SCRN1: variants seen among roughly 807,000 people sequenced by gnomAD.
The protein encoded by SCRN1 is secernin 1.
SCRN1 carries 19 observed loss-of-function variants against 43.3 expected under a neutral mutation model. The ratio of observed to expected loss-of-function variants is 0.44; its 90% CI spans 0.31 to 0.64. The LOEUF (loss-of-function observed/expected upper bound fraction) is 0.64. Among genes scored for constraint, SCRN1 ranks in the 30% least tolerant of loss-of-function variants. The pLI is 0.09. For missense variants in SCRN1, 447 were observed against 524.1 expected (o/e 0.85, Z 1.44); for synonymous variants, 183 against 188.9 (o/e 0.97, Z 0.26).
intron 6 of SCRN1, among the ~76,000 whole-genome samples, chr7:29,929,832 G>T (rs770413708): frequency 6.6e-6 from 1 of 152,216 alleles, no homozygotes; most frequent in South Asian, 2.1e-4. Context: ...CACAGTCAGG[G>T]TCTTCTGTAT....
At chr7:29,961,816 G>T (rs1383907912) in intron 2 of SCRN1, among the ~76,000 whole-genome samples, 1 of 150,974 alleles carries the variant, frequency 6.6e-6, no homozygotes, top group Non-Finnish European at 1.5e-5. Flanking sequence ...GCGGCTGGCC[G>T]GGCGGGGGGC....
chr7:29,933,230 G>A (rs1196484667), intron 6 of SCRN1, among the ~76,000 whole-genome samples: 5 of 152,164 alleles, frequency 3.3e-5, no homozygotes, highest in Admixed American at 3.3e-4. Context: ...GGACCTCTCA[G>A]TGGTTTACTG....
chr7:29,934,635 G>A (rs779844259), intron 6 of SCRN1, among the ~76,000 whole-genome samples: 14 of 152,216 alleles, frequency 9.2e-5, no homozygotes, highest in Admixed American at 3.3e-4. Context: ...AAGGGAAGAC[G>A]GAGCCCCAAA....
At chr7:29,967,382 T>C (rs987537870) in intron 2 of SCRN1, among the ~76,000 whole-genome samples, 2 of 151,142 alleles carry the variant, frequency 1.3e-5, no homozygotes, top group African/African-American at 4.9e-5. Flanking sequence ...AAATAGAAAT[T>C]CATGTATACT....
chr7:29,979,294 CA>C (rs1788927712), intron 1 of SCRN1, among the ~76,000 whole-genome samples: 1 of 152,046 alleles, frequency 6.6e-6, no homozygotes, highest in Non-Finnish European at 1.5e-5. Context: ...ACCCAGGAGG[CA>C]GGGGTTGCAG....
intron 5 of SCRN1, among the ~76,000 whole-genome samples, chr7:29,937,169 C>A (rs1562804816): frequency 6.6e-6 from 1 of 152,246 alleles, no homozygotes; most frequent in Non-Finnish European, 1.5e-5. Flanking sequence ...ACATCTGGGA[C>A]TGTAACTACC....
intron 6 of SCRN1, among the ~76,000 whole-genome samples, chr7:29,932,606 C>A (rs1787193813): frequency 1.6e-5 from 2 of 126,772 alleles, no homozygotes; most frequent in South Asian, 5.6e-4. Flanking sequence ...GAGCCGAGAT[C>A]ACGCCACTGC....
At chr7:29,982,465 G>A (rs1789018308) in intron 1 of SCRN1, among the ~76,000 whole-genome samples, 1 of 151,930 alleles carries the variant, frequency 6.6e-6, no homozygotes, top group African/African-American at 2.4e-5. Context: ...GGATCAGTTG[G>A]GTCCAGGAGT....
At chr7:29,931,352 T>C (rs1787147277) in intron 6 of SCRN1, among the ~76,000 whole-genome samples, 1 of 152,228 alleles carries the variant, frequency 6.6e-6, no homozygotes, top group African/African-American at 2.4e-5. Flanking sequence ...TACCAGATGC[T>C]GTTCTAGGTA....
chr7:29,975,705 A>G (rs986266133), intron 1 of SCRN1, among the ~76,000 whole-genome samples: 1 of 152,248 alleles, frequency 6.6e-6, no homozygotes, highest in African/African-American at 2.4e-5. Flanking sequence ...GCAACAGGCT[A>G]AAAGGGCAGG....
At chr7:29,925,190 GGCT>G (rs1158462500) in intron 7 of SCRN1, among the ~76,000 whole-genome samples, 15 of 152,148 alleles carry the variant, frequency 9.9e-5, no homozygotes, top group African/African-American at 3.6e-4. Flanking sequence ...AGCCTTTTTA[GGCT>G]GGCAGGGAGG....
chr7:29,977,931 T>C (rs997670598), intron 1 of SCRN1, among the ~76,000 whole-genome samples: 1 of 152,230 alleles, frequency 6.6e-6, no homozygotes, highest in South Asian at 2.1e-4. Context: ...AAGAGAAGGA[T>C]ACGTGATGAA....
At chr7:29,990,057 G>A (rs1789319310), upstream of SCRN1, 7 of 1,503,120 alleles carry the variant, frequency 4.7e-6, no homozygotes, top group South Asian at 1.3e-5. Context: ...GCTCTCAAAA[G>A]GGAAAACCCG....
chr7:29,924,236 C>T (rs1048408291), intron 7 of SCRN1, 121 bp from the exon 8 acceptor site: 5 of 902,438 alleles, frequency 5.5e-6, no homozygotes, highest in South Asian at 1.7e-5. Flanking sequence ...CCCCACACTC[C>T]GTTTCACACA....
At chr7:29,938,970 A>G (rs956386255) in intron 5 of SCRN1, among the ~76,000 whole-genome samples, 23 of 151,854 alleles carry the variant, frequency 1.5e-4, no homozygotes, top group African/African-American at 5.6e-4. Flanking sequence ...TATCCTCTGT[A>G]TTTTCTGTAA....
At chr7:29,969,178 G>A (rs1788591321) in intron 1 of SCRN1, 110 bp from the exon 2 acceptor site, 1 of 1,293,338 alleles carries the variant, frequency 7.7e-7, no homozygotes, top group Non-Finnish European at 1.1e-6. Flanking sequence ...ATTGAACTGT[G>A]CACAGCTAGC....
intron 2 of SCRN1, among the ~76,000 whole-genome samples, chr7:29,956,345 C>CT (rs1678083218): frequency 1.3e-5 from 2 of 152,196 alleles, no homozygotes; most frequent in Non-Finnish European, 2.9e-5. Flanking sequence ...CCTCCTGACT[C>CT]TGACATTCTA....
At chr7:29,961,648 G>A (rs1213406340) in intron 2 of SCRN1, among the ~76,000 whole-genome samples, 11 of 151,678 alleles carry the variant, frequency 7.3e-5, no homozygotes, top group Non-Finnish European at 1.6e-4. Context: ...AGGGGCGGCC[G>A]GGCAGAGGCG....
Position 29,968,963 on chromosome 7 carries a change from C to T in SCRN1, c.105G>A (p.Val35=). ...CAGCCGAGAAATACACAACCTCTTG[C>T]ACTTCATCTCTGGGCCGGGCTGAAT... ...GKNSARPRDE[V]QEVVYFSAAD... Residue 35 remains valine (V), a synonymous_variant, in exon 2 of 8, where the codon GTG becomes GTA. Transcript: ENST00000242059. The T allele has an allele frequency of 1.9e-6, 3 of 1,614,154 alleles. No individual in the cohort carries two copies. Among genetic ancestry groups the T allele is most frequent in the East Asian group, 2.2e-5 (1 of 44,884 alleles).
Sources: allele counts gnomAD v4.1 joint callset (sites outside exome capture counted in the v4.1 genomes callset), GRCh38; gene constraint gnomAD v4.1.1; transcripts MANE v1.5; gene names NCBI Gene and HGNC (gene_info 2026-07-23, HGNC 2026-07-21).